Variants in PCSK2 observed in about 807,000 individuals in gnomAD.
PCSK2 encodes proprotein convertase subtilisin/kexin type 2.
A neutral mutation model predicts 69.7 loss-of-function variants in PCSK2; 14 were observed. That is an observed-to-expected ratio of 0.20 (90% CI 0.13 to 0.31). The LOEUF (loss-of-function observed/expected upper bound fraction) is 0.31. Among genes scored for constraint, PCSK2 ranks in the 10% least tolerant of loss-of-function variants. PCSK2 has a pLI of 1.00. For synonymous variants in PCSK2, 307 were observed against 320.7 expected (o/e 0.96, Z 0.46); for missense variants, 544 against 842.5 (o/e 0.65, Z 4.39).
At chr20:17,475,327 C>T (rs1290032338) in intron 11 of PCSK2, among the ~76,000 whole-genome samples, 1 of 151,616 alleles carries the variant, frequency 6.6e-6, no homozygotes, top group African/African-American at 2.4e-5. Flanking sequence ...GGGTGGTGCA[C>T]AGCCCAGGGA....
chr20:17,403,825 T>C (rs1409246514), intron 5 of PCSK2, among the ~76,000 whole-genome samples: 1 of 152,248 alleles, frequency 6.6e-6, no homozygotes, highest in Non-Finnish European at 1.5e-5. Context: ...AGAAACATCT[T>C]GTCTTCTGTG....
intron 7 of PCSK2, among the ~76,000 whole-genome samples, chr20:17,432,965 T>C (rs1266773142): frequency 6.6e-6 from 1 of 152,144 alleles, no homozygotes; most frequent in Non-Finnish European, 1.5e-5. Flanking sequence ...TAACCAGGGC[T>C]CAGGGACAAG....
At chr20:17,395,045 G>A (rs879693400) in intron 5 of PCSK2, among the ~76,000 whole-genome samples, 1 of 151,944 alleles carries the variant, frequency 6.6e-6, no homozygotes, top group African/African-American at 2.4e-5. Context: ...AAAGAGAACC[G>A]ATCTACTTAA....
Position 17,481,413 on chromosome 20 carries a change from A to AAAAAAAAGAG in PCSK2, c.1431-170_1431-169insAAAAAAGAGA, listed in dbSNP as rs113487407. Among the ~76,000 whole-genome samples, 21 of 115,826 alleles carry AAAAAAAAGAG rather than the reference A, an allele frequency of 1.8e-4. 2 individuals carry two copies. Among genetic ancestry groups the AAAAAAAAGAG allele is most frequent in the African/African-American group, 5.8e-4 (15 of 25,836 alleles). 76.0% of individuals were successfully genotyped at this position (115,826 alleles called of 152,430 possible). A position where few individuals can be genotyped will look rare whatever the true frequency, so the allele number is the denominator to read the frequency against. On this transcript the variant is annotated intron_variant, in intron 11 of 11. Coordinates refer to ENST00000262545, the MANE Select transcript of PCSK2 (RefSeq NM_002594.5). ...CAAAAAAAAAAAAAAAAAAAAAAAAAAGAGATAAGTAACTTACTCAGGCTC... is the reference window on the plus strand; with the variant it reads ...CAAAAAAAAAAAAAAAAAAAAAAAAAAAAAAAAGAGAGAGATAAGTAACTTACTCAGGCTC...
chr20:17,325,978 C>T (rs949515430), intron 2 of PCSK2, among the ~76,000 whole-genome samples: 1 of 152,256 alleles, frequency 6.6e-6, no homozygotes, highest in African/African-American at 2.4e-5. Flanking sequence ...ATATTCCTCT[C>T]GCTGCAATGA....
chr20:17,335,195 G>T (rs796136635), intron 2 of PCSK2, among the ~76,000 whole-genome samples: 4 of 150,524 alleles, frequency 2.7e-5, no homozygotes, highest in Non-Finnish European at 5.9e-5. Context: ...GCGGAGATTG[G>T]GGGGGTTGTC....
intron 6 of PCSK2, among the ~76,000 whole-genome samples, chr20:17,419,894 C>T (rs947940979): frequency 3.9e-5 from 6 of 152,188 alleles, no homozygotes; most frequent in African/African-American, 1.4e-4. Context: ...GGGGACGCAG[C>T]ATACTCTATC....
At chr20:17,442,831 G>A (rs772113902) in intron 8 of PCSK2, among the ~76,000 whole-genome samples, 8 of 152,134 alleles carry the variant, frequency 5.3e-5, no homozygotes, top group East Asian at 1.9e-4. Flanking sequence ...CACACCTCTC[G>A]TTAGAGGACT....
intron 2 of PCSK2, among the ~76,000 whole-genome samples, chr20:17,330,283 G>A (rs115368389): frequency 0.011 from 1,612 of 152,172 alleles, 21 homozygotes; most frequent in African/African-American, 0.036. Context: ...GAGAGAGACT[G>A]TGAGATAGTA....
At chr20:17,391,767 A>T (rs2031379343) in intron 5 of PCSK2, among the ~76,000 whole-genome samples, 1 of 152,144 alleles carries the variant, frequency 6.6e-6, no homozygotes, top group African/African-American at 2.4e-5. Flanking sequence ...GCTACTCAGG[A>T]GACTGAGGTA....
intron 6 of PCSK2, among the ~76,000 whole-genome samples, chr20:17,417,196 T>TA (rs1179936328): frequency 6.6e-6 from 1 of 152,134 alleles, no homozygotes; most frequent in Non-Finnish European, 1.5e-5. Flanking sequence ...TAAGAAAAAC[T>TA]AAAAACACTA....
chr20:17,284,749 G>A (rs1358579448), intron 2 of PCSK2, among the ~76,000 whole-genome samples: 1 of 152,150 alleles, frequency 6.6e-6, no homozygotes, highest in African/African-American at 2.4e-5. Context: ...GAGGAAGAGG[G>A]AGGGAAAATC....
intron 2 of PCSK2, among the ~76,000 whole-genome samples, chr20:17,292,549 T>G (rs1208580670): frequency 6.6e-6 from 1 of 152,216 alleles, no homozygotes; most frequent in Non-Finnish European, 1.5e-5. Context: ...TTGTTTGAAT[T>G]TATTATATAC....
At chr20:17,422,444 A>T (rs1478506610) in intron 6 of PCSK2, among the ~76,000 whole-genome samples, 2 of 152,224 alleles carry the variant, frequency 1.3e-5, no homozygotes, top group Non-Finnish European at 2.9e-5. Flanking sequence ...TGGCATACTA[A>T]GCTCAGGGAT....
chr20:17,347,243 A>C (rs932733771), intron 2 of PCSK2, among the ~76,000 whole-genome samples: 1 of 152,156 alleles, frequency 6.6e-6, no homozygotes, highest in African/African-American at 2.4e-5. Flanking sequence ...CTCCTGCTCA[A>C]GGAAGCAATT....
chr20:17,292,228 G>A (rs911198163), intron 2 of PCSK2, among the ~76,000 whole-genome samples: 14 of 151,930 alleles, frequency 9.2e-5, no homozygotes, highest in Middle Eastern at 3.4e-3. Flanking sequence ...TTCTTTCATG[G>A]CCTCAATTTT....
chr20:17,274,375 G>A (rs1987978476), intron 2 of PCSK2, among the ~76,000 whole-genome samples: 1 of 152,144 alleles, frequency 6.6e-6, no homozygotes, highest in Non-Finnish European at 1.5e-5. Flanking sequence ...CTATCCATAG[G>A]TAGAGTCTAT....
At chr20:17,415,836 T>C (rs2031987167) in intron 6 of PCSK2, among the ~76,000 whole-genome samples, 1 of 150,658 alleles carries the variant, frequency 6.6e-6, no homozygotes, top group South Asian at 2.1e-4. Flanking sequence ...AAAACAGATA[T>C]ATAGAACAGA....
At chr20:17,234,395 C>T (rs1296421171) in intron 1 of PCSK2, among the ~76,000 whole-genome samples, 1 of 152,144 alleles carries the variant, frequency 6.6e-6, no homozygotes, top group Non-Finnish European at 1.5e-5. Flanking sequence ...GGTGATTTGT[C>T]CATAATCTCA....
Sources: allele counts gnomAD v4.1 joint callset (sites outside exome capture counted in the v4.1 genomes callset), GRCh38; gene constraint gnomAD v4.1.1; transcripts MANE v1.5; gene names NCBI Gene and HGNC (gene_info 2026-07-23, HGNC 2026-07-21).